Variants in ELF4 observed in about 807,000 individuals in gnomAD.
ELF4 encodes E74 like ETS transcription factor 4.
Under a neutral mutation model 31.7 loss-of-function variants are expected in ELF4, and 10 were observed. The observed-to-expected ratio is 0.32, with a 90% confidence interval of 0.19 to 0.54. ELF4 has a LOEUF of 0.54. Ranked by LOEUF, ELF4 falls within the 20% of genes least tolerant of loss-of-function variation. The pLI, the probability that ELF4 is intolerant of heterozygous loss-of-function variation, is 0.95. For missense variants in ELF4, 418 were observed against 522.0 expected (o/e 0.80, Z 1.94); for synonymous variants, 208 against 226.7 (o/e 0.92, Z 0.74).
Position 130,064,373 on chromosome X carries a change from G to A in ELF4, c.*2348C>T, listed in dbSNP as rs923504946. 8.9e-6 allele frequency among the ~76,000 whole-genome samples: 1 copy of A among 112,144 alleles called. No homozygotes were observed. The highest frequency in any genetic ancestry group is 1.9e-5 in the Non-Finnish European group (1 of 53,265). On this transcript the variant is annotated 3_prime_UTR_variant, in exon 9 of 9. Coordinates refer to ENST00000308167, the MANE Select transcript of ELF4 (RefSeq NM_001421.4). ...GAATCACTTGAGCCTGGGAGGCAGA[G>A]GTTGCAGTGAACCGAGATTGCACCA...
In ELF4 at chrX:130,073,928, G is replaced by A. The variant is rs1932810279; in HGVS notation, c.340+121C>T. 7.3e-6 allele frequency: 5 copies of A among 680,693 alleles called. No homozygotes were observed. The Admixed American group carries it at 1.0e-4, about 14-fold the overall frequency. The allele number at this position is 680,693 out of a possible 1,213,427, so 56.1% of individuals were successfully genotyped here. On this transcript the variant is annotated intron_variant, in intron 4 of 8. Coordinates refer to ENST00000308167, the MANE Select transcript of ELF4 (RefSeq NM_001421.4). ...AAAAGATAAAAGTCATATGTATATC[G>A]GTGGGTGTGGTGCATGTATACCTGT...
intron 1 of ELF4, among the ~76,000 whole-genome samples, chrX:130,106,279 A>G (rs940296073): frequency 3.6e-5 from 4 of 109,949 alleles, no homozygotes; most frequent in African/African-American, 6.6e-5. Context: ...TTAGCACCTG[A>G]CCAGCCACTG....
chrX:130,100,973 A>C (rs949307742), intron 1 of ELF4, among the ~76,000 whole-genome samples: 4 of 112,300 alleles, frequency 3.6e-5, no homozygotes, highest in African/African-American at 1.3e-4. Flanking sequence ...CTCCAATGTT[A>C]CTTTTCCTCT....
In ELF4 at chrX:130,065,247, G is replaced by A. The variant is rs1467360821; in HGVS notation, c.*1474C>T. ...ATTTCTTAGCCTTGCCCTCAAACTT[G>A]GCAGGAGGGAGGCAAGCTCGTTTAA... On this transcript the variant is annotated 3_prime_UTR_variant, in exon 9 of 9. Coordinates refer to ENST00000308167, the MANE Select transcript of ELF4 (RefSeq NM_001421.4). 5.7e-6 allele frequency: 1 copy of A among 173,931 alleles called. No homozygotes were observed. Among genetic ancestry groups the A allele is most frequent in the Non-Finnish European group, 1.1e-5 (1 of 91,202 alleles). The allele number at this position is 173,931 out of a possible 1,213,427, so 14.3% of individuals were successfully genotyped here. A position where few individuals can be genotyped will look rare whatever the true frequency, so the allele number is the denominator to read the frequency against.
At chrX:130,100,955 C>A (rs1603210406) in intron 1 of ELF4, among the ~76,000 whole-genome samples, 2 of 112,273 alleles carry the variant, frequency 1.8e-5, no homozygotes, top group African/African-American at 6.5e-5. Flanking sequence ...GGGCAAATGT[C>A]TCCAGGGCTC....
At chrX:130,108,021 C>G (rs1159360995) in intron 1 of ELF4, among the ~76,000 whole-genome samples, 1 of 111,874 alleles carries the variant, frequency 8.9e-6, no homozygotes, top group African/African-American at 3.3e-5. Context: ...CCAGCCTGAC[C>G]AACACGGAGA....
At position 130,095,870 on chromosome X, in the gene ELF4, T is replaced by C. The variant is rs769391099; in HGVS notation, c.-209-14331A>G. On this transcript the variant is annotated intron_variant, in intron 1 of 8. Coordinates refer to ENST00000308167, the MANE Select transcript of ELF4 (RefSeq NM_001421.4). ...AAGTCTGGGCTCTTATCTTGGGGTGTTGGTTCACATGTTTATTCAAATATT... is the reference window on the plus strand; with the variant it reads ...AAGTCTGGGCTCTTATCTTGGGGTGCTGGTTCACATGTTTATTCAAATATT... Among the ~76,000 whole-genome samples the C allele has an allele frequency of 3.0e-4, 34 of 111,749 alleles. 1 individual carries two copies. In the South Asian group the frequency reaches 4.9e-3, roughly 16 times the overall value.
chrX:130,097,147 A>G (rs1241569271), intron 1 of ELF4, among the ~76,000 whole-genome samples: 1 of 107,363 alleles, frequency 9.3e-6, no homozygotes, highest in Non-Finnish European at 1.9e-5. Context: ...AAAAAAAAAA[A>G]AAAAAAGCAG....
chrX:130,067,799 A>G (rs1220537935), intron 8 of ELF4, among the ~76,000 whole-genome samples: 1 of 107,913 alleles, frequency 9.3e-6, no homozygotes, highest in Non-Finnish European at 1.9e-5. Context: ...GTGCCACCAC[A>G]CCCAGCTAAT....
intron 1 of ELF4, among the ~76,000 whole-genome samples, chrX:130,103,268 T>C (rs991472207): frequency 1.8e-5 from 2 of 112,223 alleles, no homozygotes; most frequent in African/African-American, 6.5e-5. Flanking sequence ...TACGAGAAAG[T>C]ATTTACAAAG....
rs1048472929 is a variant in ELF4, at chrX:130,066,290, C to T, written c.*431G>A. 5.1e-6 allele frequency: 1 copy of T among 194,915 alleles called. No individual in the cohort carries two copies. The highest frequency in any genetic ancestry group is 2.9e-5 in the African/African-American group (1 of 34,478). The allele number at this position is 194,915 out of a possible 1,213,427, so 16.1% of individuals were successfully genotyped here. A position where few individuals can be genotyped will look rare whatever the true frequency, so the allele number is the denominator to read the frequency against. The stretch of plus-strand genomic sequence containing the variant: ...TACAGCCCTGTCCTCCCCAAAGAAA[C>T]TAAGATACAGACCAACAAGTACACA... On this transcript the variant is annotated 3_prime_UTR_variant, in exon 9 of 9. Transcript: ENST00000308167.
intron 3 of ELF4, 152 bp downstream of exon 3, chrX:130,074,429 G>A (rs1008193029): frequency 3.7e-4 from 281 of 761,838 alleles, no homozygotes; most frequent in Non-Finnish European, 5.3e-4. Flanking sequence ...AATCTACTAA[G>A]ATGGTTCCCT....
intron 5 of ELF4, among the ~76,000 whole-genome samples, chrX:130,071,807 C>T (rs965089608): frequency 1.8e-5 from 2 of 112,242 alleles, no homozygotes; most frequent in African/African-American, 6.5e-5. Context: ...TCAATAACAC[C>T]GGGGCTTGGG....
intron 1 of ELF4, among the ~76,000 whole-genome samples, chrX:130,089,972 C>T (rs1933028895): frequency 8.9e-6 from 1 of 111,749 alleles, no homozygotes. Flanking sequence ...CGTGGTGACT[C>T]ATGCCTGTAA....
intron 2 of ELF4, among the ~76,000 whole-genome samples, chrX:130,079,076 A>G (rs1346452138): frequency 1.8e-5 from 2 of 111,360 alleles, no homozygotes; most frequent in Non-Finnish European, 3.8e-5. Context: ...TGCAATTTTG[A>G]AGGTGGGGGC....
At chrX:130,089,659 G>A (rs750275290) in intron 1 of ELF4, among the ~76,000 whole-genome samples, 2 of 111,267 alleles carry the variant, frequency 1.8e-5, no homozygotes, top group African/African-American at 6.6e-5. Context: ...CTTGCTCAAG[G>A]TGACACAGCT....
chrX:130,097,045 C>G (rs113511117), intron 1 of ELF4, among the ~76,000 whole-genome samples: 8,296 of 107,765 alleles, frequency 0.077, 870 homozygotes, highest in African/African-American at 0.27. Context: ...GCCTGTAATC[C>G]TAGCACTTTG....
upstream of ELF4, among the ~76,000 whole-genome samples, chrX:130,111,362 G>A (rs189640050): frequency 3.5e-5 from 4 of 112,936 alleles, no homozygotes; most frequent in East Asian, 2.8e-4. Flanking sequence ...CCCTCGGCCC[G>A]TGCAAGTGGA....
intron 1 of ELF4, among the ~76,000 whole-genome samples, chrX:130,103,982 A>G (rs1178936296): frequency 8.9e-6 from 1 of 112,197 alleles, no homozygotes; most frequent in Non-Finnish European, 1.9e-5. Flanking sequence ...GCCTCTGGGC[A>G]TTGGCCCAGA....
Sources: allele counts gnomAD v4.1 joint callset (sites outside exome capture counted in the v4.1 genomes callset), GRCh38; gene constraint gnomAD v4.1.1; transcripts MANE v1.5; gene names NCBI Gene and HGNC (gene_info 2026-07-23, HGNC 2026-07-21).